COL20A1: variants seen among roughly 807,000 people sequenced by gnomAD.
COL20A1 encodes collagen type XX alpha 1 chain.
In COL20A1, 164 loss-of-function variants were observed where a neutral mutation model predicts 152.9. The observed-to-expected ratio is 1.07, with a 90% confidence interval of 0.94 to 1.22. The LOEUF (loss-of-function observed/expected upper bound fraction) is 1.22. Ranked by LOEUF, COL20A1 falls within the 50% of genes most tolerant of loss-of-function variation. The pLI is 0.00. For missense variants in COL20A1, 1,873 were observed against 1,744.8 expected (o/e 1.07, Z -1.31); for synonymous variants, 864 against 756.0 (o/e 1.14, Z -2.34).
rs764510637 is a variant in COL20A1 at position 63,305,905 on chromosome 20, T to A, written c.362T>A (p.Leu121Gln). 6.2e-7 allele frequency: 1 copy of A among 1,613,006 alleles called. No individual in the cohort carries two copies. The highest frequency in any genetic ancestry group is 1.1e-5 in the South Asian group (1 of 91,080). ...GTTGAGGATCTGAAGAGTAGCTCCCTGGACAGGAGCAGCCAGAGGCCCCTC... is the reference window on the plus strand; with the variant it reads ...GTTGAGGATCTGAAGAGTAGCTCCCAGGACAGGAGCAGCCAGAGGCCCCTC... ...FVIEDLKSSS[L>Q]DRSSQRPLGS... is the part of the protein sequence containing the mutation. Residue 121 changes from leucine (L) to glutamine (Q), a missense_variant, in exon 5 of 36, where the codon CTG becomes CAG. By Grantham distance (113) the Leu-to-Gln change is moderately radical (BLOSUM62 -2). Transcript: ENST00000358894. The surrounding 1 kb of genome is among the most constrained non-coding windows in gnomAD (Gnocchi z 4.9).
At chr20:63,325,183 G>T (rs1453052785) in intron 27 of COL20A1, 1 of 651,150 alleles carries the variant, frequency 1.5e-6, no homozygotes, top group African/African-American at 1.8e-5. Flanking sequence ...CCAGAGGGCT[G>T]GGAGGGCTGG....
rs1279083632 is a variant in COL20A1 at position 63,305,776 on chromosome 20, GCCCTCA to G, written c.338-104_338-99del. 2 of 1,272,548 alleles carry G rather than the reference GCCCTCA, an allele frequency of 1.6e-6. No homozygotes were observed. Among genetic ancestry groups the G allele is most frequent in the African/African-American group, 3.0e-5 (2 of 67,502 alleles). 78.8% of individuals were successfully genotyped at this position (1,272,548 alleles called of 1,614,324 possible). ...CTTTGCATGCCTCCCAGGCTCCTGG[GCCCTCA>G]GCACCCACAGATGCGCCCTTGAAGG... On this transcript the variant is annotated intron_variant, in intron 4 of 35. Transcript: ENST00000358894. The surrounding 1 kb of genome is among the most constrained non-coding windows in gnomAD (Gnocchi z 4.9).
At chr20:63,300,633 C>T (rs759484592) in intron 3 of COL20A1, among the ~76,000 whole-genome samples, 2 of 152,096 alleles carry the variant, frequency 1.3e-5, no homozygotes, top group Non-Finnish European at 2.9e-5. Context: ...TAATAAAACA[C>T]ATTTTGGCTT....
rs2067907622 is a variant in COL20A1, at chr20:63,305,180, C to G, written c.194-237C>G. Among the ~76,000 whole-genome samples the G allele has an allele frequency of 6.6e-6, 1 of 152,080 alleles. No individual in the cohort carries two copies. The highest frequency in any genetic ancestry group is 1.5e-5 in the Non-Finnish European group (1 of 68,022). Reference sequence around the variant, plus strand: ...TCACCTCACCATGCGGCGGATTCCTCTAGGGGGGTTTAGTAAGTGACATCT... The same window carrying G: ...TCACCTCACCATGCGGCGGATTCCTGTAGGGGGGTTTAGTAAGTGACATCT... On this transcript the variant is annotated intron_variant, in intron 3 of 35. Coordinates refer to ENST00000358894, the MANE Select transcript of COL20A1 (RefSeq NM_020882.4). The surrounding 1 kb of genome is among the most constrained non-coding windows in gnomAD (Gnocchi z 4.9).
chr20:63,307,728 G>A (rs929389692), intron 6 of COL20A1, 80 bp downstream of exon 6: 10 of 1,494,496 alleles, frequency 6.7e-6, no homozygotes, highest in South Asian at 2.5e-5. Context: ...GTGACCTGTG[G>A]GGGTCCCCGT....
rs774321889 is a variant in COL20A1, at chr20:63,309,809, G to A, written c.1157G>A (p.Ser386Asn). Residue 386 changes from serine (S) to asparagine (N), a missense_variant, in exon 10 of 36, where the codon AGC becomes AAC. Coordinates refer to ENST00000358894, the MANE Select transcript of COL20A1 (RefSeq NM_020882.4). ...TLPAPTSLVL[S>N]QVTSSSIRLS... ...CCTGCCCCCACCAGCCTGGTCCTGA[G>A]CCAGGTGACCTCCTCCAGCATCCGC... The A allele has an allele frequency of 1.9e-6, 3 of 1,608,762 alleles. No homozygotes were observed. Among genetic ancestry groups the A allele is most frequent in the Non-Finnish European group, 2.5e-6 (3 of 1,178,252 alleles).
Position 63,308,020 on chromosome 20 carries a change from C to T in COL20A1, c.705C>T (p.Ser235=), listed in dbSNP as rs2067950822. 2 of 1,612,612 alleles carry T rather than the reference C, an allele frequency of 1.2e-6. No individual in the cohort carries two copies. Among genetic ancestry groups the T allele is most frequent in the East Asian group, 2.2e-5 (1 of 44,876 alleles). Residue 235 remains serine, a synonymous_variant, in exon 7 of 36, where the codon TCC becomes TCT. Coordinates refer to ENST00000358894, the MANE Select transcript of COL20A1 (RefSeq NM_020882.4). ...CTCAGACTGAGTGGGACCTGAACTC[C>T]CTCAGCACCAAGGAACAGGTGCTGG... is the stretch of plus-strand genomic sequence containing the variant. ...GDAQTEWDLN[S]LSTKEQVLAA...
rs2068045527 is a variant in COL20A1, at chr20:63,313,613, T to C, written c.2210-130T>C. The C allele has an allele frequency of 1.1e-6, 1 of 883,456 alleles. No homozygotes were observed. Among genetic ancestry groups the C allele is most frequent in the Admixed American group, 3.0e-5 (1 of 33,126 alleles). The allele number at this position is 883,456 out of a possible 1,614,324, so 54.7% of individuals were successfully genotyped here. A position where few individuals can be genotyped will look rare whatever the true frequency, so the allele number is the denominator to read the frequency against. ...GCCAGGGGGGTGATGCGGGCTGTGG[T>C]AGGGGTGTGGCATGATGTGGTGGAG... is the stretch of plus-strand genomic sequence containing the variant. On this transcript the variant is annotated intron_variant, in intron 17 of 35. Transcript: ENST00000358894. This position sits in a 1 kb window ranked among gnomAD's most constrained non-coding sequence, Gnocchi z 5.9.
chr20:63,295,954 C>T (rs141936790), intron 2 of COL20A1, among the ~76,000 whole-genome samples: 1 of 152,260 alleles, frequency 6.6e-6, no homozygotes. Context: ...TGGTTTTGTT[C>T]CGCTGGGGTG....
chr20:63,319,071 G>GCCC lies in COL20A1; in HGVS notation c.2681_2683dup (p.Pro894dup). ...CAACCCCCACAGTGACGTCTACCCA[G>GCCC]CCCCCCTACCTCCAGAGCACACCAT... On this transcript the variant is annotated inframe_insertion, in exon 22 of 36. Transcript: ENST00000358894. The surrounding 1 kb of genome is among the most constrained non-coding windows in gnomAD (Gnocchi z 4.4). 6.3e-7 allele frequency: 1 copy of GCCC among 1,592,568 alleles called. No homozygotes were observed. Among genetic ancestry groups the GCCC allele is most frequent in the Admixed American group, 1.7e-5 (1 of 57,934 alleles).
chr20:63,319,969 C>T lies in COL20A1; in HGVS notation c.2917-70C>T, dbSNP rs979380148. On this transcript the variant is annotated intron_variant, in intron 23 of 35. Coordinates refer to ENST00000358894, the MANE Select transcript of COL20A1 (RefSeq NM_020882.4). The surrounding 1 kb of genome is among the most constrained non-coding windows in gnomAD (Gnocchi z 4.4). ...ATGGGTGTTACTCCCCAGCCCTGGC[C>T]TGGCCTTGGGGGCTCAGGTGGGCAC... 1.5e-6 allele frequency: 2 copies of T among 1,350,130 alleles called. No individual in the cohort carries two copies. The highest frequency in any genetic ancestry group is 2.3e-5 in the African/African-American group (1 of 43,974). The allele number at this position is 1,350,130 out of a possible 1,614,324, so 83.6% of individuals were successfully genotyped here.
Position 63,308,057 on chromosome 20 carries a change from C to G in COL20A1, c.742C>G (p.Arg248Gly). ...GGAACAGGTGCTGGCAGCTGTGCGCCGCCTCCGCTACAAGGGGGGGAACAC... is the reference window on the plus strand; with the variant it reads ...GGAACAGGTGCTGGCAGCTGTGCGCGGCCTCCGCTACAAGGGGGGGAACAC... ...TKEQVLAAVR[R>G]LRYKGGNTFT... Residue 248 changes from arginine to glycine, a missense_variant, in exon 7 of 36, where the codon CGC becomes GGC. By Grantham distance (125) the Arg-to-Gly change is moderately radical (BLOSUM62 -2). Transcript: ENST00000358894. The G allele has an allele frequency of 1.2e-6, 2 of 1,612,540 alleles. No individual in the cohort carries two copies. The highest frequency in any genetic ancestry group is 1.7e-6 in the Non-Finnish European group (2 of 1,179,788).
rs1883607358 is a variant in COL20A1, at chr20:63,319,030, G to A, written c.2664-28G>A. The A allele has an allele frequency of 6.3e-7, 1 of 1,587,762 alleles. No individual in the cohort carries two copies. The highest frequency in any genetic ancestry group is 1.1e-5 in the South Asian group (1 of 89,930). ...TTTGGCTGCCCTTGGGTCTGCTCAT[G>A]TGCCTCTCCCTCCCCCAACCCCCAC... On this transcript the variant is annotated intron_variant, in intron 21 of 35. Coordinates refer to ENST00000358894, the MANE Select transcript of COL20A1 (RefSeq NM_020882.4). The surrounding 1 kb of genome is among the most constrained non-coding windows in gnomAD (Gnocchi z 4.4).
At chr20:63,320,016 G>A in intron 23 of COL20A1, 23 bp from the exon 24 acceptor site, 4 of 1,549,402 alleles carry the variant, frequency 2.6e-6, no homozygotes, top group Middle Eastern at 3.4e-4. Context: ...GGGCTGTGGA[G>A]AACCTCCCGT....
chr20:63,301,759 C>T (rs1214301587), intron 3 of COL20A1, among the ~76,000 whole-genome samples: 1 of 152,106 alleles, frequency 6.6e-6, no homozygotes, highest in Non-Finnish European at 1.5e-5. Flanking sequence ...CTCCTTTCTC[C>T]TTCTTTTACT....
Position 63,305,182 on chromosome 20 carries a change from AG to A in COL20A1, c.194-229del, listed in dbSNP as rs368403680. On this transcript the variant is annotated intron_variant, in intron 3 of 35. Transcript: ENST00000358894. The surrounding 1 kb of genome is among the most constrained non-coding windows in gnomAD (Gnocchi z 4.9). ...ACCTCACCATGCGGCGGATTCCTCTAGGGGGGTTTAGTAAGTGACATCTTCT... is the reference window on the plus strand; with the variant it reads ...ACCTCACCATGCGGCGGATTCCTCTAGGGGGTTTAGTAAGTGACATCTTCT... Among the ~76,000 whole-genome samples, 437 of 152,078 alleles carry A rather than the reference AG, an allele frequency of 2.9e-3. 3 individuals carry two copies. Among genetic ancestry groups the A allele is most frequent in the African/African-American group, 9.8e-3 (406 of 41,458 alleles).
rs200258845 is a variant in COL20A1 at position 63,312,526 on chromosome 20, C to A, written c.1910C>A (p.Thr637Lys). 4 of 1,598,956 alleles carry A rather than the reference C, an allele frequency of 2.5e-6. No homozygotes were observed. The highest frequency in any genetic ancestry group is 1.3e-5 in the African/African-American group (1 of 74,426). ...CTCTACCCTGGGGGTGGCTCCTCTA[C>A]GCTGACTGGCCGGGTGACCACCAGT... Reference protein sequence around the residue: ...TCLYPGGGSSTLTGRVTTKKA... With the variant: ...TCLYPGGGSSKLTGRVTTKKA... Residue 637 changes from threonine (T) to lysine (K), a missense_variant, in exon 15 of 36, where the codon ACG becomes AAG. Coordinates refer to ENST00000358894, the MANE Select transcript of COL20A1 (RefSeq NM_020882.4).
chr20:63,320,780 C>T (rs1437558904), intron 25 of COL20A1, among the ~76,000 whole-genome samples: 6 of 152,134 alleles, frequency 3.9e-5, no homozygotes, highest in Non-Finnish European at 8.8e-5. Flanking sequence ...GGGGCTCATG[C>T]GGACAGCGTG....
In COL20A1 at chr20:63,312,254, G is replaced by A. The variant is rs758676166; in HGVS notation, c.1804-166G>A. 9.9e-5 allele frequency among the ~76,000 whole-genome samples: 15 copies of A among 152,130 alleles called. No individual in the cohort carries two copies. The East Asian group carries it at 1.5e-3, about 16-fold the overall frequency. ...CAGGCTGGGGAGGCCCACCCCAGCCGTCCTGCAGTTCTGTTGCCCTCCCAT... is the reference window on the plus strand; with the variant it reads ...CAGGCTGGGGAGGCCCACCCCAGCCATCCTGCAGTTCTGTTGCCCTCCCAT... On this transcript the variant is annotated intron_variant, in intron 14 of 35. Transcript: ENST00000358894.
Sources: allele counts gnomAD v4.1 joint callset (sites outside exome capture counted in the v4.1 genomes callset), GRCh38; gene constraint gnomAD v4.1.1; non-coding constraint Gnocchi (gnomAD v3.1); transcripts MANE v1.5; gene names NCBI Gene and HGNC (gene_info 2026-07-23, HGNC 2026-07-21).